The following MAGI2 variants were observed in gnomAD, a reference collection of about 807,000 sequenced individuals.
MAGI2 encodes membrane associated guanylate kinase, WW and PDZ domain containing 2.
MAGI2 carries 35 observed loss-of-function variants against 133.3 expected under a neutral mutation model. The observed-to-expected ratio is 0.26, with a 90% CI of 0.20 to 0.35. MAGI2 has a LOEUF of 0.35. MAGI2 is among the 10% of genes least tolerant of loss of function. The pLI, the probability that MAGI2 is intolerant of heterozygous loss-of-function variation, is 1.00. For missense variants in MAGI2, 1,636 were observed against 1,863.4 expected (o/e 0.88, Z 2.25); for synonymous variants, 729 against 710.6 (o/e 1.03, Z -0.41).
chr7:79,422,149 C>T (rs770954977), intron 1 of MAGI2, among the ~76,000 whole-genome samples: 5 of 151,968 alleles, frequency 3.3e-5, no homozygotes, highest in Non-Finnish European at 4.4e-5. Context: ...TAGTATTAGT[C>T]GCCTATGGTA....
At chr7:78,129,359 T>C (rs993753472) in intron 18 of MAGI2, among the ~76,000 whole-genome samples, 22 of 152,224 alleles carry the variant, frequency 1.4e-4, no homozygotes, top group African/African-American at 5.3e-4. Context: ...TTGCTAACTT[T>C]TAAGTGAATA....
intron 5 of MAGI2, among the ~76,000 whole-genome samples, chr7:78,497,766 T>TCTGTCTGTCTGTCTGTCTA (rs1385517709): frequency 7.4e-5 from 10 of 135,294 alleles, no homozygotes; most frequent in Admixed American, 7.5e-5. Flanking sequence ...CTATCTATCT[T>TCTGTCTGTCTGTCTGTCTA]TCTATCTTAT....
intron 2 of MAGI2, among the ~76,000 whole-genome samples, chr7:78,995,942 T>C (rs561551722): frequency 1.2e-3 from 176 of 152,274 alleles, no homozygotes; most frequent in African/African-American, 4.2e-3. Flanking sequence ...TCTTCAAAGA[T>C]GGGAAATAAC....
At chr7:78,548,260 T>C (rs1799036859) in intron 3 of MAGI2, among the ~76,000 whole-genome samples, 1 of 152,214 alleles carries the variant, frequency 6.6e-6, no homozygotes, top group Non-Finnish European at 1.5e-5. Context: ...AGCTCTTCAT[T>C]ATGAGAAACT....
intron 2 of MAGI2, among the ~76,000 whole-genome samples, chr7:78,720,358 C>G (rs1251199014): frequency 2.0e-5 from 3 of 152,034 alleles, no homozygotes; most frequent in Non-Finnish European, 4.4e-5. Flanking sequence ...CTATGAGATT[C>G]AAACTATTAG....
chr7:79,213,353 TA>T (rs1829682413), intron 1 of MAGI2, among the ~76,000 whole-genome samples: 2 of 150,256 alleles, frequency 1.3e-5, no homozygotes, highest in Admixed American at 1.3e-4. Context: ...CACACACATA[TA>T]TTTTTTCTTT....
chr7:78,147,589 C>T lies in MAGI2; in HGVS notation c.2846-12383G>A, dbSNP rs79899816. Among the ~76,000 whole-genome samples, 410 of 151,980 alleles carry T rather than the reference C, an allele frequency of 2.7e-3. 3 individuals carry two copies. The highest frequency in any genetic ancestry group is 9.4e-3 in the African/African-American group (390 of 41,446). ...AAAAAAGGATTGAAGAGATTCAAAACGTGTTTTGTTGTCCATAATGAAATG... is the reference window on the plus strand; with the variant it reads ...AAAAAAGGATTGAAGAGATTCAAAATGTGTTTTGTTGTCCATAATGAAATG... On this transcript the variant is annotated intron_variant, in intron 16 of 21. Transcript: ENST00000354212.
chr7:78,317,094 C>T (rs373188907), intron 9 of MAGI2, among the ~76,000 whole-genome samples: 2 of 152,158 alleles, frequency 1.3e-5, no homozygotes, highest in African/African-American at 4.8e-5. Flanking sequence ...AATTGAATAG[C>T]GCTGCATAAA....
chr7:78,513,733 T>C (rs1196720908), intron 4 of MAGI2, among the ~76,000 whole-genome samples: 1 of 152,060 alleles, frequency 6.6e-6, no homozygotes, highest in African/African-American at 2.4e-5. Context: ...TACGTAAACT[T>C]GCAGAGAAGT....
intron 2 of MAGI2, among the ~76,000 whole-genome samples, chr7:78,930,202 C>G (rs1490570493): frequency 6.6e-6 from 1 of 152,074 alleles, no homozygotes; most frequent in Non-Finnish European, 1.5e-5. Context: ...AAGCAAATTA[C>G]TCAATTTGGC....
At chr7:78,620,619 T>C (rs779549852) in intron 3 of MAGI2, among the ~76,000 whole-genome samples, 12 of 152,106 alleles carry the variant, frequency 7.9e-5, no homozygotes, top group Non-Finnish European at 1.8e-4. Flanking sequence ...ATGTGTATAC[T>C]AGGGTCCACG....
chr7:78,688,181 C>G lies in MAGI2; in HGVS notation c.419-60942G>C, dbSNP rs1391182490. On this transcript the variant is annotated intron_variant, in intron 2 of 21. Transcript: ENST00000354212. ...TGTGTCTAGCCTCATTTTACAAAGG[C>G]TTTGTGGTAGCTGTACTAAATTACC... 5.9e-5 allele frequency among the ~76,000 whole-genome samples: 9 copies of G among 151,990 alleles called. No homozygotes were observed. In the East Asian group the frequency reaches 1.7e-3, roughly 29 times the overall value.
At chr7:79,149,068 T>TTA (rs1451172514) in intron 1 of MAGI2, among the ~76,000 whole-genome samples, 1 of 144,072 alleles carries the variant, frequency 6.9e-6, no homozygotes, top group Non-Finnish European at 1.5e-5. Flanking sequence ...ATATAATATA[T>TTA]TATATATATG....
chr7:78,255,607 C>A, intron 10 of MAGI2: 3 of 493,964 alleles, frequency 6.1e-6, no homozygotes, highest in South Asian at 2.7e-5. Context: ...AATGGGAAAC[C>A]AGTTTGAGTT....
chr7:79,445,930 T>C (rs1848819931), intron 1 of MAGI2, among the ~76,000 whole-genome samples: 1 of 152,128 alleles, frequency 6.6e-6, no homozygotes, highest in Non-Finnish European at 1.5e-5. Context: ...TGTCCAACAA[T>C]GATAGACTGG....
intron 1 of MAGI2, among the ~76,000 whole-genome samples, chr7:79,224,963 T>C (rs1373260469): frequency 2.0e-5 from 3 of 152,242 alleles, no homozygotes; most frequent in Non-Finnish European, 4.4e-5. Context: ...TTACTGCATG[T>C]AAATTATATC....
At chr7:78,739,441 G>A (rs937109628) in intron 2 of MAGI2, among the ~76,000 whole-genome samples, 3 of 152,136 alleles carry the variant, frequency 2.0e-5, no homozygotes, top group Non-Finnish European at 2.9e-5. Context: ...GTGATAGAAC[G>A]AGGTGCCACT....
At chr7:78,783,984 C>CT (rs908649261) in intron 2 of MAGI2, among the ~76,000 whole-genome samples, 9 of 151,974 alleles carry the variant, frequency 5.9e-5, no homozygotes, top group African/African-American at 2.2e-4. Flanking sequence ...GGATATAGCC[C>CT]TTTTTTAATC....
rs532242715 is a variant in MAGI2 at position 78,063,415 on chromosome 7, A to AT, written c.3706+15531dup. 2.6e-3 allele frequency among the ~76,000 whole-genome samples: 395 copies of AT among 152,082 alleles called. 1 individual carries two copies. Among genetic ancestry groups the AT allele is most frequent in the African/African-American group, 9.1e-3 (376 of 41,460 alleles). ...TGCTTGCACACCTGGCTAATTGTTT[A>AT]TTTTTTTGTATAGATAAGGCCTTGC... is the stretch of plus-strand genomic sequence containing the variant. On this transcript the variant is annotated intron_variant, in intron 21 of 21. Coordinates refer to ENST00000354212, the MANE Select transcript of MAGI2 (RefSeq NM_012301.4).
Sources: gnomAD v4.1 joint callset for allele counts (sites outside exome capture counted in the v4.1 genomes callset) on GRCh38, gnomAD v4.1.1 for gene constraint, MANE v1.5 for transcripts, NCBI Gene and HGNC (gene_info 2026-07-23, HGNC 2026-07-21) for gene names.